Variants in HDLBP observed in about 807,000 individuals in gnomAD.
HDLBP encodes the protein high density lipoprotein binding protein.
HDLBP carries 30 observed loss-of-function variants against 137.3 expected under a neutral mutation model. The ratio of observed to expected loss-of-function variants is 0.22; its 90% confidence interval spans 0.16 to 0.30. HDLBP has a LOEUF of 0.30. Ranked by LOEUF, HDLBP falls within the 10% of genes least tolerant of loss-of-function variation. HDLBP has a pLI of 1.00. For synonymous variants in HDLBP, 606 were observed against 596.0 expected (o/e 1.02, Z -0.24); for missense variants, 1,119 against 1,667.3 (o/e 0.67, Z 5.73).
intron 12 of HDLBP, among the ~76,000 whole-genome samples, chr2:241,249,075 T>C (rs2071906216): frequency 6.6e-6 from 1 of 151,976 alleles, no homozygotes; most frequent in Admixed American, 6.6e-5. Flanking sequence ...ACCTGGAATA[T>C]GAGACTGGGG....
At chr2:241,281,803 A>G (rs1035416010) in intron 1 of HDLBP, among the ~76,000 whole-genome samples, 16 of 152,228 alleles carry the variant, frequency 1.1e-4, no homozygotes, top group Non-Finnish European at 2.1e-4. Context: ...TGGGTGAAAC[A>G]ATATTATTAA....
chr2:241,237,885 A>C (rs2070753288), intron 20 of HDLBP, among the ~76,000 whole-genome samples: 1 of 152,218 alleles, frequency 6.6e-6, no homozygotes, highest in African/African-American at 2.4e-5. Flanking sequence ...TCCTACTCAA[A>C]ACACCCTGTA....
At chr2:241,273,992 T>C (rs937052046) in intron 1 of HDLBP, among the ~76,000 whole-genome samples, 1 of 151,676 alleles carries the variant, frequency 6.6e-6, no homozygotes, top group Admixed American at 6.6e-5. Context: ...CCAGATTTGG[T>C]ATATATTCAG....
At chr2:241,306,790 G>A (rs1245754273) in intron 1 of HDLBP, among the ~76,000 whole-genome samples, 3 of 151,566 alleles carry the variant, frequency 2.0e-5, no homozygotes, top group Non-Finnish European at 4.4e-5. Flanking sequence ...GCTGAGGCAG[G>A]AGAATTGCTT....
Position 241,272,601 on chromosome 2 carries a change from G to A in HDLBP, c.-102-4060C>T. The A allele has an allele frequency of 1.8e-5, 18 of 982,562 alleles. No homozygotes were observed. The highest frequency in any genetic ancestry group is 2.2e-5 in the Non-Finnish European group (18 of 828,304). The allele number at this position is 982,562 out of a possible 1,614,324, so 60.9% of individuals were successfully genotyped here. A position where few individuals can be genotyped will look rare whatever the true frequency, so the allele number is the denominator to read the frequency against. On this transcript the variant is annotated intron_variant, in intron 1 of 27. Transcript: ENST00000310931. This position sits in a 1 kb window ranked among gnomAD's most constrained non-coding sequence, Gnocchi z 5.6. ...CGCGGTAAGCAGGACACCCGCGGGCGGGGGCCGCAGCCTGGGGCCCGGGTG... is the reference window on the plus strand; with the variant it reads ...CGCGGTAAGCAGGACACCCGCGGGCAGGGGCCGCAGCCTGGGGCCCGGGTG...
intron 1 of HDLBP, among the ~76,000 whole-genome samples, chr2:241,284,276 C>T (rs189687500): frequency 3.3e-5 from 5 of 152,316 alleles, no homozygotes; most frequent in Non-Finnish European, 5.9e-5. Flanking sequence ...CATTGAAAAC[C>T]TCCTGTAAAG....
chr2:241,298,060 AAAAAAAAAAAAAAAAAAAAAAAG>A (rs1349007310), intron 1 of HDLBP, among the ~76,000 whole-genome samples: 4 of 138,176 alleles, frequency 2.9e-5, no homozygotes, highest in East Asian at 4.2e-4. Flanking sequence ...AAAAAAAAAA[AAAAAAAAAAAAAAAAAAAAAAAG>A]GGCCAGGCAT....
Position 241,230,765 on chromosome 2 carries a change from T to C in HDLBP, c.3468A>G (p.Glu1156=). 1.2e-6 allele frequency: 2 copies of C among 1,613,936 alleles called. No individual in the cohort carries two copies. The highest frequency in any genetic ancestry group is 1.1e-5 in the South Asian group (1 of 91,082). The change falls in exon 25 of 28, where the codon GAA becomes GAG. Residue 1156 remains glutamate (E), a synonymous_variant. Coordinates refer to ENST00000310931, the MANE Select transcript of HDLBP (RefSeq NM_005336.6). The surrounding 1 kb of genome is among the most constrained non-coding windows in gnomAD (Gnocchi z 5.0). The part of the protein sequence containing the change: ...RGKAIRKIMD[E]FKVDIRFPQS... ...GTGCTTCCAGCCGGCTCACCTTGAA[T>C]TCGTCCATGATTTTGCGAATGGCTT...
At chr2:241,251,524 C>T (rs1048386887) in intron 11 of HDLBP, among the ~76,000 whole-genome samples, 6 of 152,186 alleles carry the variant, frequency 3.9e-5, no homozygotes, top group Admixed American at 3.9e-4. Flanking sequence ...TGTCCCACTA[C>T]CTGGGAAAGG....
intron 1 of HDLBP, among the ~76,000 whole-genome samples, chr2:241,305,017 C>T (rs1023313083): frequency 6.6e-6 from 1 of 152,096 alleles, no homozygotes; most frequent in Non-Finnish European, 1.5e-5. Flanking sequence ...CACAATAAAC[C>T]GGTGTGGTGT....
rs1436340922 is a variant in HDLBP, at chr2:241,236,648, T to C, written c.2871A>G (p.Lys957=). ...RCDIIIISGR[K]EKCEAAKEAL... is the part of the protein sequence containing the mutation. ...CTTCCTTGGCAGCCTCACACTTTTC[T>C]TTCCGGCCAGAGATGATGATGATGT... The change falls in exon 21 of 28, where the codon AAA becomes AAG. Residue 957 remains lysine (K), a synonymous_variant. Coordinates refer to ENST00000310931, the MANE Select transcript of HDLBP (RefSeq NM_005336.6). 6.2e-7 allele frequency: 1 copy of C among 1,614,124 alleles called. No individual in the cohort carries two copies. Among genetic ancestry groups the C allele is most frequent in the East Asian group, 2.2e-5 (1 of 44,864 alleles).
chr2:241,309,015 T>C (rs1365330466), intron 1 of HDLBP, among the ~76,000 whole-genome samples: 1 of 152,170 alleles, frequency 6.6e-6, no homozygotes, highest in Non-Finnish European at 1.5e-5. Context: ...AACACAGTCC[T>C]GCCCCCGTGC....
chr2:241,309,470 G>T (rs2075696722), intron 1 of HDLBP, among the ~76,000 whole-genome samples: 2 of 152,086 alleles, frequency 1.3e-5, no homozygotes, highest in African/African-American at 4.8e-5. Context: ...ATAGAGATAA[G>T]AACATTAAAA....
At chr2:241,244,142 G>T (rs1194018077) in intron 16 of HDLBP, among the ~76,000 whole-genome samples, 1 of 152,134 alleles carries the variant, frequency 6.6e-6, no homozygotes, top group Non-Finnish European at 1.5e-5. Flanking sequence ...ACACTGCAAA[G>T]AATTAATGAA....
At chr2:241,302,454 G>C (rs746673321) in intron 1 of HDLBP, among the ~76,000 whole-genome samples, 1 of 152,160 alleles carries the variant, frequency 6.6e-6, no homozygotes, top group Non-Finnish European at 1.5e-5. Flanking sequence ...GAAGCAGGAG[G>C]ATTACTTGAG....
rs749205787 is a variant in HDLBP at position 241,240,027 on chromosome 2, G to A, written c.2265C>T (p.Asp755=). ...KGGGKIRKVR[D]STGARVIFPA... ...GGAAGATGACACGTGCTCCAGTGCT[G>A]TCGCGCACCTTGCGAATTTTGCCGC... The change falls in exon 18 of 28, where the codon GAC becomes GAT. Residue 755 remains aspartate (D), a synonymous_variant. Transcript: ENST00000310931. The surrounding 1 kb of genome is among the most constrained non-coding windows in gnomAD (Gnocchi z 5.5). 4.3e-6 allele frequency: 7 copies of A among 1,614,094 alleles called. 1 individual carries two copies. The South Asian group carries it at 5.5e-5, about 13-fold the overall frequency.
At chr2:241,254,537 T>C (rs1464103389) in intron 9 of HDLBP, among the ~76,000 whole-genome samples, 1 of 151,636 alleles carries the variant, frequency 6.6e-6, no homozygotes, top group Non-Finnish European at 1.5e-5. Context: ...AAGGCTGGAA[T>C]GCAGTGGTGC....
At chr2:241,278,871 A>G (rs561872271) in intron 1 of HDLBP, among the ~76,000 whole-genome samples, 14 of 152,178 alleles carry the variant, frequency 9.2e-5, no homozygotes, top group African/African-American at 3.1e-4. Flanking sequence ...TATTAAAAAT[A>G]AATCTAAGCC....
chr2:241,236,934 A>C (rs899810268), intron 20 of HDLBP, among the ~76,000 whole-genome samples, 165 bp from the exon 21 acceptor site: 3 of 141,770 alleles, frequency 2.1e-5, no homozygotes, highest in Non-Finnish European at 4.6e-5. Flanking sequence ...GGGAGAGCAG[A>C]TAGGACGTCC....
Sources: gnomAD v4.1 joint callset for allele counts (sites outside exome capture counted in the v4.1 genomes callset) on GRCh38, gnomAD v4.1.1 for gene constraint, Gnocchi (gnomAD v3.1) non-coding constraint, MANE v1.5 for transcripts, NCBI Gene and HGNC (gene_info 2026-07-23, HGNC 2026-07-21) for gene names.